Variants in LACTBL1 observed in about 807,000 individuals in gnomAD.
LACTBL1 encodes the protein beta-lactamase-like protein 1.
LACTBL1 carries 29 observed loss-of-function variants against 39.6 expected under a neutral mutation model. The ratio of observed to expected loss-of-function variants is 0.73; its 90% CI spans 0.55 to 1.00. The LOEUF is 1.00. LACTBL1 is among the 50% of genes least tolerant of loss of function. LACTBL1 has a pLI of 0.00. For synonymous variants in LACTBL1, 361 were observed against 360.7 expected, an observed-to-expected ratio of 1.00 and a Z score of -0.01; for missense variants, 711 against 748.5, an observed-to-expected ratio of 0.95 and a Z score of 0.59.
intron 2 of LACTBL1, among the ~76,000 whole-genome samples, chr1:22,961,506 G>T (rs1640821846): frequency 6.6e-6 from 1 of 152,140 alleles, no homozygotes; most frequent in Non-Finnish European, 1.5e-5. Context: ...TGGGATTACA[G>T]TCATATGCCA....
exon 6 of LACTBL1, chr1:22,953,704 T>C (rs1487763874): frequency 4.5e-6 from 6 of 1,321,658 alleles, no homozygotes; most frequent in Non-Finnish European, 5.8e-6. Flanking sequence ...CAGCAGCGTC[T>C]TGGCCGCGTC....
chr1:22,972,139 AGATGATGATGATGATGAT>A, the LACTBL1 span, among the ~76,000 whole-genome samples: 15,544 of 148,220 alleles, frequency 0.1, 1,052 homozygotes, highest in Non-Finnish European at 0.15. Context: ...CAAGCTCTAG[AGATGATGATGATGATGAT>A]GATGATGATG....
the LACTBL1 span, chr1:22,972,541 G>A: frequency 5.5e-6 from 3 of 542,736 alleles, no homozygotes; most frequent in Non-Finnish European, 7.0e-6. Context: ...TCCCAGGTGA[G>A]AGAAACAGCA....
chr1:22,953,340 C>T (rs965091444), exon 6 of LACTBL1: 9 of 1,229,312 alleles, frequency 7.3e-6, no homozygotes, highest in Non-Finnish European at 9.1e-6. Flanking sequence ...GCAGCTCGCC[C>T]GCCGGCCCGG....
intron 2 of LACTBL1, 115 bp downstream of exon 4, chr1:22,962,992 A>G (rs1473531003): frequency 4.2e-6 from 2 of 476,346 alleles, no homozygotes; most frequent in Non-Finnish European, 7.1e-6. Flanking sequence ...TGCTCAAGAA[A>G]TACATGTTGG....
chr1:22,953,078 G>C, exon 6 of LACTBL1: 1 of 1,232,310 alleles, frequency 8.1e-7, no homozygotes, highest in African/African-American at 1.5e-5. Context: ...CCCCGCAGCC[G>C]CAGCACTCTG....
intron 2 of LACTBL1, among the ~76,000 whole-genome samples, chr1:22,962,167 T>A (rs1231578044): frequency 6.6e-6 from 1 of 152,182 alleles, no homozygotes; most frequent in African/African-American, 2.4e-5. Context: ...AGCATGGTTA[T>A]TATTGTTGCT....
upstream of LACTBL1, among the ~76,000 whole-genome samples, chr1:22,968,721 A>T (rs1193137610): frequency 2.0e-5 from 3 of 152,174 alleles, no homozygotes; most frequent in Non-Finnish European, 4.4e-5. Context: ...CCACTGCGTG[A>T]CCTTAAGAAA....
At chr1:22,958,889 G>A in exon 4 of LACTBL1, 8 of 1,550,164 alleles carry the variant, frequency 5.2e-6, no homozygotes, top group South Asian at 1.2e-5. Context: ...TACAGCATGA[G>A]GACAGGAAAG....
chr1:22,964,968 G>T (rs927696172), intron 1 of LACTBL1, among the ~76,000 whole-genome samples: 1 of 152,178 alleles, frequency 6.6e-6, no homozygotes, highest in South Asian at 2.1e-4. Flanking sequence ...ATTCCATCAT[G>T]GTGGCCAAAG....
At chr1:22,965,481 G>T, upstream of LACTBL1, 1 of 1,216,230 alleles carries the variant, frequency 8.2e-7, no homozygotes. Context: ...AGAGGGAAGA[G>T]AGGGACCCTA....
exon 6 of LACTBL1, chr1:22,953,792 T>A (rs1363061438): frequency 1.9e-5 from 30 of 1,543,656 alleles, no homozygotes; most frequent in Non-Finnish European, 2.6e-5. Flanking sequence ...GTAGAGTACA[T>A]CTGGCCCGAC....
intron 3 of LACTBL1, 132 bp downstream of exon 5, chr1:22,959,810 G>T: frequency 9.1e-7 from 1 of 1,095,718 alleles, no homozygotes; most frequent in Non-Finnish European, 1.3e-6. Context: ...CTATAAAACT[G>T]TCAAGACTTC....
At chr1:22,953,283 C>T in exon 6 of LACTBL1, 2 of 1,226,840 alleles carry the variant, frequency 1.6e-6, no homozygotes, top group Middle Eastern at 3.1e-4. Context: ...GGGTGCGGAA[C>T]GCTGGAGGCA....
exon 6 of LACTBL1, chr1:22,953,914 C>G (rs766448640): frequency 1.9e-6 from 3 of 1,550,326 alleles, no homozygotes; most frequent in African/African-American, 1.4e-5. Flanking sequence ...GTCTGCCATC[C>G]CCAGCGGCTC....
intron 1 of LACTBL1, 65 bp downstream of exon 3, chr1:22,965,225 C>G: frequency 7.9e-7 from 1 of 1,266,510 alleles, no homozygotes; most frequent in Non-Finnish European, 1.0e-6. Flanking sequence ...TCAGGGGTGG[C>G]AGCTCAAAGC....
chr1:22,972,229 C>A, the LACTBL1 span: 2 of 895,994 alleles, frequency 2.2e-6, no homozygotes, highest in East Asian at 2.4e-4. Context: ...ATATTTGAAG[C>A]CAGAAGGACG....
At chr1:22,954,523 C>A (rs1465098393) in intron 5 of LACTBL1, among the ~76,000 whole-genome samples, 1 of 152,164 alleles carries the variant, frequency 6.6e-6, no homozygotes, top group Non-Finnish European at 1.5e-5. Flanking sequence ...CAGAAAGGTG[C>A]AAGGATGTGT....
exon 6 of LACTBL1, chr1:22,953,228 C>T: frequency 4.1e-6 from 5 of 1,232,066 alleles, no homozygotes; most frequent in Non-Finnish European, 4.0e-6. Context: ...AACTCGTGGG[C>T]CACGTGCAGC....
Sources: gnomAD v4.1 joint callset for allele counts (sites outside exome capture counted in the v4.1 genomes callset) on GRCh38, gnomAD v4.1.1 for gene constraint, MANE v1.5 for transcripts, NCBI Gene and HGNC (gene_info 2026-07-23, HGNC 2026-07-21) for gene names.